Variants in CELF2 observed in about 807,000 individuals in gnomAD.
The protein encoded by CELF2 is CUGBP Elav-like family member 2.
A neutral mutation model predicts 62.6 loss-of-function variants in CELF2; 8 were observed. That is an observed-to-expected ratio of 0.13 (90% CI 0.07 to 0.23). The LOEUF is 0.23. CELF2 is among the 10% of genes least tolerant of loss of function. The pLI, the probability that CELF2 is intolerant of heterozygous loss-of-function variation, is 1.00. For missense variants in CELF2, 333 were observed against 671.0 expected (o/e 0.50, Z 5.56); for synonymous variants, 258 against 250.0 (o/e 1.03, Z -0.30).
intron 1 of CELF2, among the ~76,000 whole-genome samples, chr10:11,027,028 A>G (rs2059330821): frequency 6.6e-6 from 1 of 152,140 alleles, no homozygotes; most frequent in African/African-American, 2.4e-5. Context: ...GCCTTCTCAA[A>G]ATTGTCACCA....
chr10:11,033,326 C>CG (rs2060435655), intron 1 of CELF2, among the ~76,000 whole-genome samples: 1 of 151,206 alleles, frequency 6.6e-6, no homozygotes, highest in Admixed American at 6.6e-5. Flanking sequence ...GGCACCATCT[C>CG]GGCGCACCGC....
chr10:11,081,875 A>T (rs771013777), intron 1 of CELF2, among the ~76,000 whole-genome samples: 42 of 152,198 alleles, frequency 2.8e-4, no homozygotes, highest in Non-Finnish European at 5.0e-4. Context: ...CTGGCCTCTG[A>T]TGTCCCCATT....
chr10:11,266,798 G>T, intron 6 of CELF2, 121 bp downstream of exon 6: 1 of 670,804 alleles, frequency 1.5e-6, no homozygotes, highest in South Asian at 2.3e-5. Context: ...CACCATCTCA[G>T]TTTTCATTCA....
intron 1 of CELF2, among the ~76,000 whole-genome samples, chr10:10,821,568 T>C (rs2056966660): frequency 6.6e-6 from 1 of 152,222 alleles, no homozygotes; most frequent in African/African-American, 2.4e-5. Context: ...TACTGAAATG[T>C]CCTGAAAGCC....
chr10:10,718,690 C>A, the CELF2 span, among the ~76,000 whole-genome samples: 9 of 150,034 alleles, frequency 6.0e-5, no homozygotes, highest in African/African-American at 2.2e-4. Flanking sequence ...CTCCAGGAAA[C>A]TGACCCAAGT....
chr10:11,063,861 G>T (rs2067405691), intron 1 of CELF2, among the ~76,000 whole-genome samples: 1 of 152,192 alleles, frequency 6.6e-6, no homozygotes, highest in Non-Finnish European at 1.5e-5. Flanking sequence ...CTCTCTAAAA[G>T]GTGACAATGA....
In CELF2 at chr10:11,336,082, T is replaced by C. The variant is rs1479837055; in HGVS notation, c.*7029T>C. ...TACCGCAGCACCATCAACATCCGCC[T>C]TGCTGATGGAAGCCACACACGCTGC... On this transcript the variant is annotated 3_prime_UTR_variant, in exon 13 of 13. Transcript: ENST00000633077. The surrounding 1 kb of genome is among the most constrained non-coding windows in gnomAD (Gnocchi z 5.4). 2.0e-5 allele frequency: 3 copies of C among 152,638 alleles called. No individual in the cohort carries two copies. Among genetic ancestry groups the C allele is most frequent in the African/African-American group, 7.2e-5 (3 of 41,446 alleles). 9.5% of individuals were successfully genotyped at this position (152,638 alleles called of 1,614,324 possible). A position where few individuals can be genotyped will look rare whatever the true frequency, so the allele number is the denominator to read the frequency against.
At position 11,255,104 on chromosome 10, in the gene CELF2, C is replaced by T. The variant is rs944855302; in HGVS notation, c.404-2634C>T. On this transcript the variant is annotated intron_variant, in intron 4 of 12. Coordinates refer to ENST00000633077, the MANE Select transcript of CELF2 (RefSeq NM_001326342.2). This position sits in a 1 kb window ranked among gnomAD's most constrained non-coding sequence, Gnocchi z 5.5. ...TGGTGTCTCTCTGGCTTAGCTGTCG[C>T]GCCTGTGCTGCCCATGACTGACCAG... 2.4e-4 allele frequency among the ~76,000 whole-genome samples: 37 copies of T among 152,204 alleles called. No homozygotes were observed. The highest frequency in any genetic ancestry group is 7.9e-4 in the Admixed American group (12 of 15,286).
chr10:11,269,138 A>C lies in CELF2; in HGVS notation c.619-1528A>C, dbSNP rs1057501172. On this transcript the variant is annotated intron_variant, in intron 6 of 12. Transcript: ENST00000633077. This position sits in a 1 kb window ranked among gnomAD's most constrained non-coding sequence, Gnocchi z 4.4. The stretch of plus-strand genomic sequence containing the variant: ...AAACCCCCTCTCTACATAATCTTCA[A>C]AGTATGTTGCTCTCTTTTAAGTGAA... Among the ~76,000 whole-genome samples, 5 of 152,220 alleles carry C rather than the reference A, an allele frequency of 3.3e-5. No homozygotes were observed. The highest frequency in any genetic ancestry group is 1.2e-4 in the African/African-American group (5 of 41,458).
At chr10:11,204,512 A>C (rs2059980749) in intron 2 of CELF2, among the ~76,000 whole-genome samples, 1 of 152,170 alleles carries the variant, frequency 6.6e-6, no homozygotes, top group South Asian at 2.1e-4. Context: ...TACAGTAGGA[A>C]CCTCCGGTGC....
At chr10:10,478,101 GA>G in the CELF2 span, among the ~76,000 whole-genome samples, 2 of 152,062 alleles carry the variant, frequency 1.3e-5, no homozygotes, top group African/African-American at 4.8e-5. Context: ...ACCCTTCCAG[GA>G]AAAAAGTTAG....
the CELF2 span, among the ~76,000 whole-genome samples, chr10:10,680,440 G>C: frequency 6.6e-6 from 1 of 152,176 alleles, no homozygotes; most frequent in Non-Finnish European, 1.5e-5. Flanking sequence ...TTCCAAGAGC[G>C]AGGCTTCTAG....
intron 1 of CELF2, among the ~76,000 whole-genome samples, chr10:11,043,800 A>G (rs1391850015): frequency 1.4e-4 from 21 of 152,072 alleles, no homozygotes; most frequent in Non-Finnish European, 1.0e-4. Flanking sequence ...CCCGACCATC[A>G]TCTCTCACCT....
chr10:10,741,527 A>G, the CELF2 span, among the ~76,000 whole-genome samples: 1 of 147,696 alleles, frequency 6.8e-6, no homozygotes, highest in African/African-American at 2.5e-5. Flanking sequence ...AGAACTTGAC[A>G]TTTTTGGAGA....
At chr10:11,096,230 T>C (rs970055623) in intron 1 of CELF2, 1 of 152,376 alleles carries the variant, frequency 6.6e-6, no homozygotes, top group East Asian at 1.9e-4. Flanking sequence ...TGCTATGTTA[T>C]GAATGGATTC....
chr10:10,601,079 A>G, the CELF2 span, among the ~76,000 whole-genome samples: 1 of 152,226 alleles, frequency 6.6e-6, no homozygotes, highest in African/African-American at 2.4e-5. Context: ...AAGCAGAACC[A>G]TAGCTTTTCC....
At chr10:11,155,555 G>A (rs891273728) in intron 1 of CELF2, among the ~76,000 whole-genome samples, 27 of 152,284 alleles carry the variant, frequency 1.8e-4, no homozygotes, top group African/African-American at 6.0e-4. Context: ...TGTGACATAC[G>A]TTTCTGTCTG....
intron 1 of CELF2, among the ~76,000 whole-genome samples, chr10:11,113,069 A>ACTGG (rs1420984498): frequency 2.6e-5 from 4 of 152,232 alleles, no homozygotes. Flanking sequence ...CTTCAGCAAC[A>ACTGG]CTGGGTCTTA....
chr10:10,617,555 A>G, the CELF2 span, among the ~76,000 whole-genome samples: 26 of 152,224 alleles, frequency 1.7e-4, no homozygotes, highest in African/African-American at 6.3e-4. Flanking sequence ...GTGAGGGATC[A>G]ATACATCATC....
Sources: gnomAD v4.1 joint callset for allele counts (sites outside exome capture counted in the v4.1 genomes callset) on GRCh38, gnomAD v4.1.1 for gene constraint, Gnocchi (gnomAD v3.1) non-coding constraint, MANE v1.5 for transcripts, NCBI Gene and HGNC (gene_info 2026-07-23, HGNC 2026-07-21) for gene names.